The following NCAPG2 variants were observed in gnomAD, a reference collection of about 807,000 sequenced individuals.
NCAPG2 encodes the protein non-SMC condensin II complex subunit G2.
A neutral mutation model predicts 141.1 loss-of-function variants in NCAPG2; 53 were observed. That is an observed-to-expected ratio of 0.38 (90% confidence interval 0.30 to 0.47). NCAPG2 has a LOEUF of 0.47. Ranked by LOEUF, NCAPG2 falls within the 20% of genes least tolerant of loss-of-function variation. The probability of loss-of-function intolerance (pLI) is 0.99; values close to 1 mark genes in which losing one functional copy is unlikely to be tolerated. For synonymous variants in NCAPG2, 499 were observed against 490.7 expected, an observed-to-expected ratio of 1.02 and a Z score of -0.22; for missense variants, 1,087 against 1,389.0, an observed-to-expected ratio of 0.78 and a Z score of 3.46.
chr7:158,666,489 T>G (rs1832946682), intron 13 of NCAPG2, among the ~76,000 whole-genome samples: 1 of 151,796 alleles, frequency 6.6e-6, no homozygotes, highest in Non-Finnish European at 1.5e-5. Flanking sequence ...GATATTAGTA[T>G]TCCCACTTTA....
At chr7:158,654,913 CTCTTA>C in intron 21 of NCAPG2, 200 bp downstream of exon 21, 7 of 1,116,786 alleles carry the variant, frequency 6.3e-6, no homozygotes, top group Non-Finnish European at 8.6e-6. Context: ...AATCGAACAC[CTCTTA>C]TATGTAATGT....
chr7:158,687,151 T>G (rs149431075), intron 7 of NCAPG2, among the ~76,000 whole-genome samples, 197 bp downstream of exon 7: 1 of 152,200 alleles, frequency 6.6e-6, no homozygotes, highest in Non-Finnish European at 1.5e-5. Flanking sequence ...AATTAAAACC[T>G]TAATTTCAGT....
intron 22 of NCAPG2, 93 bp downstream of exon 22, chr7:158,654,502 T>C: frequency 7.9e-7 from 1 of 1,271,700 alleles, no homozygotes; most frequent in South Asian, 1.6e-5. Context: ...ATCAGTCACT[T>C]AAAAGTGAGA....
At chr7:158,688,887 C>A (rs1271129784) in intron 6 of NCAPG2, among the ~76,000 whole-genome samples, 1 of 152,214 alleles carries the variant, frequency 6.6e-6, no homozygotes, top group Non-Finnish European at 1.5e-5. Flanking sequence ...GAAACTTATT[C>A]TGTACCTCAG....
At chr7:158,666,156 G>A (rs973277786) in intron 13 of NCAPG2, among the ~76,000 whole-genome samples, 9 of 152,206 alleles carry the variant, frequency 5.9e-5, no homozygotes, top group African/African-American at 2.2e-4. Flanking sequence ...ACCTAAGGGT[G>A]AGAGGCTGTG....
chr7:158,700,967 C>G (rs1321330541), intron 2 of NCAPG2, among the ~76,000 whole-genome samples: 2 of 152,204 alleles, frequency 1.3e-5, no homozygotes, highest in Non-Finnish European at 1.5e-5. Context: ...CAACCTGTCT[C>G]TAGCTCAGCC....
chr7:158,658,257 C>A (rs1009002785), intron 17 of NCAPG2, 81 bp downstream of exon 17: 4 of 1,325,762 alleles, frequency 3.0e-6, no homozygotes, highest in Non-Finnish European at 4.1e-6. Context: ...ATGTTATGGT[C>A]TGCTGACATG....
At chr7:158,641,605 T>C in intron 27 of NCAPG2, 1 of 561,856 alleles carries the variant, frequency 1.8e-6, no homozygotes, top group South Asian at 2.3e-5. Context: ...ACCATGCTTA[T>C]TCTAATCAAA....
intron 13 of NCAPG2, chr7:158,667,077 T>G (rs996737038): frequency 1.1e-6 from 1 of 952,286 alleles, no homozygotes; most frequent in African/African-American, 1.8e-5. Flanking sequence ...CCTCTTATAC[T>G]CATGTCATTC....
chr7:158,655,087 A>C, intron 21 of NCAPG2, 31 bp downstream of exon 21: 1 of 1,564,604 alleles, frequency 6.4e-7, no homozygotes, highest in Non-Finnish European at 8.6e-7. Flanking sequence ...CTTGGTAAAG[A>C]GAAAGTTTTC....
chr7:158,684,451 A>T (rs1834632616), intron 8 of NCAPG2, among the ~76,000 whole-genome samples: 2 of 152,260 alleles, frequency 1.3e-5, no homozygotes, highest in Admixed American at 6.5e-5. Flanking sequence ...AACTCTAAGG[A>T]GACATTTGAG....
intron 2 of NCAPG2, 71 bp from the exon 3 acceptor site, chr7:158,693,568 A>G: frequency 7.4e-7 from 1 of 1,350,576 alleles, no homozygotes; most frequent in Non-Finnish European, 1.0e-6. Context: ...TAATGTCATC[A>G]AAAGAAAAGT....
intron 9 of NCAPG2, among the ~76,000 whole-genome samples, chr7:158,682,340 G>A (rs1288820416): frequency 6.7e-6 from 1 of 148,606 alleles, no homozygotes; most frequent in Non-Finnish European, 1.5e-5. Flanking sequence ...ACACTGGGAT[G>A]GGGGTGGGGG....
intron 22 of NCAPG2, among the ~76,000 whole-genome samples, chr7:158,653,647 T>C (rs1194622105): frequency 6.6e-6 from 1 of 152,176 alleles, no homozygotes; most frequent in Admixed American, 6.5e-5. Context: ...TTTAAGGCTA[T>C]GGGAAAGAGA....
At position 158,690,583 on chromosome 7, in the gene NCAPG2, A is replaced by G; in HGVS notation, c.522T>C (p.Ser174=). The G allele has an allele frequency of 6.2e-7, 1 of 1,613,704 alleles. No individual in the cohort carries two copies. Among genetic ancestry groups the G allele is most frequent in the Non-Finnish European group, 8.5e-7 (1 of 1,179,896 alleles). The change falls in exon 5 of 28, where the codon AGT becomes AGC. Residue 174 remains serine (S), a synonymous_variant. Coordinates refer to ENST00000356309, the MANE Select transcript of NCAPG2 (RefSeq NM_017760.7). ...KTAFVMLLRR[S]LETKTGADVC... The stretch of plus-strand genomic sequence containing the variant: ...GTGAGCATACTGTCTTAGTCTCCAG[A>G]CTCCTCCTTAGTAACATGACAAAGG...
At chr7:158,658,551 A>T in intron 16 of NCAPG2, 143 bp from the exon 17 acceptor site, 1 of 671,900 alleles carries the variant, frequency 1.5e-6, no homozygotes, top group Non-Finnish European at 2.3e-6. Flanking sequence ...CAAAAGGAAA[A>T]CTTAAACCAG....
intron 2 of NCAPG2, among the ~76,000 whole-genome samples, chr7:158,697,790 G>A (rs879815933): frequency 2.6e-5 from 4 of 151,998 alleles, no homozygotes; most frequent in African/African-American, 7.3e-5. Flanking sequence ...AGTCCTTTGC[G>A]GGGACATAGA....
At chr7:158,684,697 C>T (rs373550816) in intron 8 of NCAPG2, among the ~76,000 whole-genome samples, 24 of 152,320 alleles carry the variant, frequency 1.6e-4, no homozygotes, top group Admixed American at 7.8e-4. Flanking sequence ...ATTTTGTATA[C>T]ATCTAGTCAA....
intron 11 of NCAPG2, among the ~76,000 whole-genome samples, chr7:158,677,676 C>G (rs1834176916): frequency 6.6e-6 from 1 of 152,082 alleles, no homozygotes; most frequent in South Asian, 2.1e-4. Context: ...AGACAATCAC[C>G]TTACAACCAC....
Sources: gnomAD v4.1 joint callset for allele counts (sites outside exome capture counted in the v4.1 genomes callset) on GRCh38, gnomAD v4.1.1 for gene constraint, MANE v1.5 for transcripts, NCBI Gene and HGNC (gene_info 2026-07-23, HGNC 2026-07-21) for gene names.